Variants in KIF26B observed in about 807,000 individuals in gnomAD.
KIF26B encodes kinesin-like protein KIF26B.
In KIF26B, 63 loss-of-function variants were observed where a neutral mutation model predicts 151.2. The observed-to-expected ratio is 0.42, with a 90% confidence interval of 0.34 to 0.51. The LOEUF is 0.51. Among genes scored for constraint, KIF26B ranks in the 20% least tolerant of loss-of-function variants. KIF26B has a pLI of 0.07. For missense variants in KIF26B, 2,813 were observed against 2,913.6 expected, an observed-to-expected ratio of 0.97 and a Z score of 0.79; for synonymous variants, 1,357 against 1,262.1, an observed-to-expected ratio of 1.08 and a Z score of -1.59.
chr1:245,238,887 C>A (rs1224208362), intron 2 of KIF26B, among the ~76,000 whole-genome samples: 1 of 151,748 alleles, frequency 6.6e-6, no homozygotes, highest in East Asian at 1.9e-4. Context: ...CAAAAAAACC[C>A]CAATTGATCT....
chr1:245,418,999 C>T (rs950450006), intron 3 of KIF26B, among the ~76,000 whole-genome samples: 4 of 152,110 alleles, frequency 2.6e-5, no homozygotes, highest in African/African-American at 9.7e-5. Context: ...ATGATCTGAA[C>T]CCTTCAAAAA....
At chr1:245,671,856 T>A (rs2044290663) in intron 10 of KIF26B, among the ~76,000 whole-genome samples, 2 of 152,176 alleles carry the variant, frequency 1.3e-5, no homozygotes, top group African/African-American at 2.4e-5. Context: ...TGAGCACCGA[T>A]GCAGGAGAGG....
chr1:245,227,605 A>G lies in KIF26B; in HGVS notation c.465+70922A>G, dbSNP rs74622368. Among the ~76,000 whole-genome samples, 628 of 152,358 alleles carry G rather than the reference A, an allele frequency of 4.1e-3. 18 individuals carry two copies. In the East Asian group the frequency reaches 0.093, roughly 22 times the overall value. Reference sequence around the variant, plus strand: ...AAACTTGTAATGATAGGAGAAGGGAAGAACACAGTTACAGTATTAGACTCA... The same window carrying G: ...AAACTTGTAATGATAGGAGAAGGGAGGAACACAGTTACAGTATTAGACTCA... On this transcript the variant is annotated intron_variant, in intron 2 of 14. Coordinates refer to ENST00000407071, the MANE Select transcript of KIF26B (RefSeq NM_018012.4). The surrounding 1 kb of genome is among the most constrained non-coding windows in gnomAD (Gnocchi z 4.1).
intron 2 of KIF26B, among the ~76,000 whole-genome samples, chr1:245,333,641 C>A (rs892713864): frequency 1.3e-5 from 2 of 152,148 alleles, no homozygotes; most frequent in Non-Finnish European, 2.9e-5. Context: ...TGTGCACATG[C>A]TTGTAACTCT....
intron 2 of KIF26B, among the ~76,000 whole-genome samples, chr1:245,315,129 G>A (rs796240049): frequency 4.6e-5 from 7 of 152,200 alleles, no homozygotes; most frequent in South Asian, 2.1e-4. Flanking sequence ...GCGGTGAGCC[G>A]AGATTGTGCC....
intron 4 of KIF26B, among the ~76,000 whole-genome samples, chr1:245,465,400 CA>C (rs1468381485): frequency 2.0e-5 from 1 of 48,804 alleles, no homozygotes; most frequent in Non-Finnish European, 4.2e-5. Context: ...AGCTCGTGAC[CA>C]GGGGAGGGGG....
At position 245,708,966 on chromosome 1, in the gene KIF26B, T is replaced by G. The variant is rs1351112886; in HGVS notation, c.*6360T>G. ...ATCTTGTTTTACAATTCAATGGTAG[T>G]GCTTAATGTTACTGTCTGAAATCCA... On this transcript the variant is annotated 3_prime_UTR_variant, in exon 15 of 15. Coordinates refer to ENST00000407071, the MANE Select transcript of KIF26B (RefSeq NM_018012.4). 6.6e-6 allele frequency: 1 copy of G among 152,254 alleles called. No homozygotes were observed. Among genetic ancestry groups the G allele is most frequent in the African/African-American group, 2.4e-5 (1 of 41,464 alleles). The allele number at this position is 152,254 out of a possible 1,614,324, so 9.4% of individuals were successfully genotyped here. A position where few individuals can be genotyped will look rare whatever the true frequency, so the allele number is the denominator to read the frequency against.
chr1:245,254,251 A>G (rs537533346), intron 2 of KIF26B, among the ~76,000 whole-genome samples: 2 of 152,150 alleles, frequency 1.3e-5, no homozygotes, highest in African/African-American at 4.8e-5. Flanking sequence ...ATTAGGTTGC[A>G]TATGTCCCAT....
chr1:245,208,405 A>AG, intron 2 of KIF26B, among the ~76,000 whole-genome samples: 1 of 152,242 alleles, frequency 6.6e-6, no homozygotes, highest in South Asian at 2.1e-4. Context: ...GGTCATTTTC[A>AG]GGGGTGTTTC....
In KIF26B at chr1:245,431,345, A is replaced by AT. The variant is rs796518387; in HGVS notation, c.1166+11617dup. ...AGGCGCCCGCCACCATGCCCAGCTA[A>AT]TTTTTTTTTTTTTTTTTGAGACAGA... On this transcript the variant is annotated intron_variant, in intron 4 of 14. Coordinates refer to ENST00000407071, the MANE Select transcript of KIF26B (RefSeq NM_018012.4). Among the ~76,000 whole-genome samples the AT allele has an allele frequency of 7.3e-3, 999 of 136,360 alleles. 7 individuals are homozygous for AT. The highest frequency in any genetic ancestry group is 0.019 in the African/African-American group (688 of 36,224). 89.5% of individuals were successfully genotyped at this position (136,360 alleles called of 152,430 possible).
chr1:245,447,137 C>T (rs61631424), intron 4 of KIF26B, among the ~76,000 whole-genome samples: 35,261 of 152,060 alleles, frequency 0.23, 4,239 homozygotes, highest in East Asian at 0.31. Context: ...GCTGGCTCCT[C>T]TCAAGCTGGT....
chr1:245,226,825 C>A (rs750698698), intron 2 of KIF26B, among the ~76,000 whole-genome samples: 2 of 152,204 alleles, frequency 1.3e-5, no homozygotes, highest in Non-Finnish European at 2.9e-5. Context: ...TGCTGCCAGT[C>A]ATGATCACAG....
chr1:245,398,620 A>G (rs980851569), intron 3 of KIF26B, among the ~76,000 whole-genome samples: 7 of 152,046 alleles, frequency 4.6e-5, no homozygotes, highest in Non-Finnish European at 1.0e-4. Flanking sequence ...ACCAGATGTG[A>G]GCCCAGTCAT....
chr1:245,592,304 C>T (rs2043296841), intron 5 of KIF26B, among the ~76,000 whole-genome samples: 1 of 152,236 alleles, frequency 6.6e-6, no homozygotes, highest in Non-Finnish European at 1.5e-5. Context: ...CCCCAGTCTC[C>T]TGAGAGATGG....
At chr1:245,520,594 ATCCATCCACCCACCCACCCAT>A (rs1661075359) in intron 4 of KIF26B, among the ~76,000 whole-genome samples, 2 of 117,486 alleles carry the variant, frequency 1.7e-5, no homozygotes, top group South Asian at 2.9e-4. Context: ...CCATCCATCC[ATCCATCCACCCACCCACCCAT>A]CCATCCATCC....
chr1:245,607,066 C>CAAAA (rs35411674), intron 6 of KIF26B, among the ~76,000 whole-genome samples: 10 of 72,654 alleles, frequency 1.4e-4, no homozygotes, highest in Non-Finnish European at 2.0e-4. Flanking sequence ...AACTCCGTCT[C>CAAAA]AAAAAAAAAA....
chr1:245,579,237 A>C (rs920020491), intron 5 of KIF26B, among the ~76,000 whole-genome samples: 1 of 152,226 alleles, frequency 6.6e-6, no homozygotes, highest in Non-Finnish European at 1.5e-5. Context: ...ATTTTCCACC[A>C]GTTAAACGAA....
At chr1:245,235,681 G>A (rs1180594568) in intron 2 of KIF26B, among the ~76,000 whole-genome samples, 3 of 151,512 alleles carry the variant, frequency 2.0e-5, no homozygotes, top group Non-Finnish European at 4.4e-5. Context: ...AAGGAGGGAG[G>A]GAGGAAGGGA....
intron 5 of KIF26B, among the ~76,000 whole-genome samples, chr1:245,591,945 G>T (rs2043292876): frequency 6.6e-6 from 1 of 152,136 alleles, no homozygotes; most frequent in Non-Finnish European, 1.5e-5. Context: ...TTCTTCCTTG[G>T]TTTCAACTCC....
Sources: gnomAD v4.1 joint callset for allele counts (sites outside exome capture counted in the v4.1 genomes callset) on GRCh38, gnomAD v4.1.1 for gene constraint, Gnocchi (gnomAD v3.1) non-coding constraint, MANE v1.5 for transcripts, NCBI Gene and HGNC (gene_info 2026-07-23, HGNC 2026-07-21) for gene names.